The following CAPN11 variants were observed in gnomAD, a reference collection of about 807,000 sequenced individuals.
The protein encoded by CAPN11 is calpain 11.
Under a neutral mutation model 105.3 loss-of-function variants are expected in CAPN11, and 108 were observed. That is an observed-to-expected ratio of 1.03 (90% confidence interval 0.88 to 1.20). CAPN11 has a LOEUF of 1.20. Among genes scored for constraint, CAPN11 ranks in the 50% most tolerant of loss-of-function variants. The pLI is 0.00. For missense variants in CAPN11, 883 were observed against 924.8 expected, an observed-to-expected ratio of 0.95 and a Z score of 0.59; for synonymous variants, 329 against 344.5, an observed-to-expected ratio of 0.96 and a Z score of 0.50.
intron 1 of CAPN11, among the ~76,000 whole-genome samples, chr6:44,159,184 C>T (rs898506187): frequency 6.6e-6 from 1 of 152,124 alleles, no homozygotes; most frequent in Non-Finnish European, 1.5e-5. Flanking sequence ...AGGAGAGGGG[C>T]CGGCCATCCC....
rs748439629 is a variant in CAPN11 at position 44,176,204 on chromosome 6, G to GTCTCCCTGACCGGAGGAGAACA, written c.916-38_916-37insGGAGGAGAACATCTCCCTGACC. The GTCTCCCTGACCGGAGGAGAACA allele has an allele frequency of 1.9e-5, 30 of 1,606,264 alleles. 1 individual carries two copies. The South Asian group carries it at 2.9e-4, about 15-fold the overall frequency. ...TGAGGACCCTGAGAAGGAGGAGAAC[G>GTCTCCCTGACCGGAGGAGAACA]TCTCCCTGACCCCATAACTCTGACC... On this transcript the variant is annotated intron_variant, in intron 8 of 22. Transcript: ENST00000398776.
chr6:44,172,919 G>T, intron 5 of CAPN11, 21 bp from the exon 6 acceptor site: 1 of 1,611,676 alleles, frequency 6.2e-7, no homozygotes, highest in Non-Finnish European at 8.5e-7. Flanking sequence ...CACGCAAGGG[G>T]TGTGTGTTTG....
chr6:44,169,015 C>T (rs1386988691), intron 2 of CAPN11: 10 of 506,342 alleles, frequency 2.0e-5, no homozygotes, highest in African/African-American at 5.8e-5. Flanking sequence ...GCCACAGCCT[C>T]GAACTCCAGG....
At chr6:44,163,138 C>A (rs1475109684) in intron 1 of CAPN11, among the ~76,000 whole-genome samples, 1 of 152,282 alleles carries the variant, frequency 6.6e-6, no homozygotes, top group South Asian at 2.1e-4. Context: ...TCCTGAAACA[C>A]CCTCGCAGGT....
In CAPN11 at chr6:44,177,006, A is replaced by C. The variant is rs898599527; in HGVS notation, c.1237+8A>C. On this transcript the variant is annotated splice_region_variant and intron_variant, in intron 11 of 22. Transcript: ENST00000398776. ...GCTGCAGGAACCACCCTGGTGGGTG[A>C]GGGGTGAGAGGGGAGGGGGTGTGCA... The C allele has an allele frequency of 3.0e-5, 49 of 1,611,236 alleles. No homozygotes were observed. Among genetic ancestry groups the C allele is most frequent in the Non-Finnish European group, 3.9e-5 (46 of 1,179,386 alleles).
chr6:44,180,358 C>A, intron 14 of CAPN11, 102 bp from the exon 15 acceptor site: 1 of 1,142,732 alleles, frequency 8.8e-7, no homozygotes, highest in Non-Finnish European at 1.3e-6. Flanking sequence ...ATGGAGCTGC[C>A]CTATATTGCT....
At chr6:44,181,385 T>A in intron 19 of CAPN11, 65 bp downstream of exon 19, 2 of 1,310,090 alleles carry the variant, frequency 1.5e-6, no homozygotes, top group Non-Finnish European at 2.2e-6. Context: ...GAGATGGAAC[T>A]AATGAGGGGA....
Position 44,172,363 on chromosome 6 carries a change from C to A in CAPN11, c.471C>A (p.Arg157=). 2 of 1,562,322 alleles carry A rather than the reference C, an allele frequency of 1.3e-6. No homozygotes were observed. Among genetic ancestry groups the A allele is most frequent in the East Asian group, 2.4e-5 (1 of 41,622 alleles). The change falls in exon 5 of 23, where the codon CGC becomes CGA. Residue 157 remains arginine, a synonymous_variant. Coordinates refer to ENST00000398776, the MANE Select transcript of CAPN11 (RefSeq NM_007058.4). The part of the protein sequence containing the change: ...SLTTCPKLLY[R]VVPRGQSFKK... ...CCACCTGCCCCAAACTGCTATACCG[C>A]GTGGTGCCCAGAGGACAGAGCTTCA... is the stretch of plus-strand genomic sequence containing the variant.
intron 1 of CAPN11, among the ~76,000 whole-genome samples, chr6:44,162,409 A>ACC (rs1554129308): frequency 7.3e-6 from 1 of 136,984 alleles, no homozygotes; most frequent in Non-Finnish European, 1.6e-5. Context: ...ACACACACAC[A>ACC]CCTGTAATCA....
intron 1 of CAPN11, among the ~76,000 whole-genome samples, chr6:44,161,062 A>G (rs1768693280): frequency 1.3e-5 from 2 of 152,056 alleles, no homozygotes; most frequent in Admixed American, 6.5e-5. Context: ...TGCTCTGGCC[A>G]TCTGTCTGTG....
At chr6:44,170,033 C>A in intron 4 of CAPN11, 58 bp downstream of exon 4, 2 of 1,366,286 alleles carry the variant, frequency 1.5e-6, no homozygotes, top group Non-Finnish European at 2.1e-6. Flanking sequence ...GGGAGGGGTG[C>A]CAGGGTGTCT....
At chr6:44,179,478 C>T (rs1023624126) in intron 12 of CAPN11, 141 bp from the exon 13 acceptor site, 37 of 754,462 alleles carry the variant, frequency 4.9e-5, no homozygotes, top group Non-Finnish European at 7.1e-6. Context: ...CCCACTCCAC[C>T]ACCAGTATCC....
intron 1 of CAPN11, among the ~76,000 whole-genome samples, chr6:44,159,284 C>T (rs1768274015): frequency 6.6e-6 from 1 of 152,126 alleles, no homozygotes; most frequent in Non-Finnish European, 1.5e-5. Context: ...TCTCCTAAGC[C>T]TAGAAAAGCA....
At chr6:44,165,565 G>A (rs952818939) in intron 1 of CAPN11, among the ~76,000 whole-genome samples, 1 of 152,214 alleles carries the variant, frequency 6.6e-6, no homozygotes. Context: ...AAGGGACATA[G>A]TGACAGGGTC....
chr6:44,167,745 A>G (rs749543228), intron 2 of CAPN11, among the ~76,000 whole-genome samples: 1 of 151,778 alleles, frequency 6.6e-6, no homozygotes, highest in Admixed American at 6.6e-5. Context: ...TCCTGTCTCT[A>G]CAAAAATTAG....
chr6:44,182,025 TACAG>T (rs1179563356), intron 19 of CAPN11, among the ~76,000 whole-genome samples: 19 of 30,602 alleles, frequency 6.2e-4, no homozygotes, highest in African/African-American at 3.4e-3. Context: ...CACACTCACA[TACAG>T]ACACAACCAC....
chr6:44,180,805 T>C lies in CAPN11; in HGVS notation c.1804T>C (p.Phe602Leu), dbSNP rs780848421. 8 of 1,613,466 alleles carry C rather than the reference T, an allele frequency of 5.0e-6. No homozygotes were observed. In the South Asian group the frequency reaches 8.8e-5, roughly 18 times the overall value. The change falls in exon 17 of 23, where the codon TTC becomes CTC. Residue 602 changes from phenylalanine (F) to leucine (L), a missense_variant and splice_region_variant. Phe to Leu is a conservative substitution (Grantham distance 22, BLOSUM62 0). Coordinates refer to ENST00000398776, the MANE Select transcript of CAPN11 (RefSeq NM_007058.4). ...QRLLNRMAIK[F>L]KSFKTKGFGL... The stretch of plus-strand genomic sequence containing the variant: ...GCTGCTCAACAGGATGGCCATCAAA[T>C]GTGAGTCTTCCACTCCTGCTGCACA...
rs1768304581 is a variant in CAPN11 at position 44,159,428 on chromosome 6, G to A, written c.16+564G>A. Among the ~76,000 whole-genome samples, 3 of 152,214 alleles carry A rather than the reference G, an allele frequency of 2.0e-5. No homozygotes were observed. In the South Asian group the frequency reaches 6.2e-4, roughly 32 times the overall value. On this transcript the variant is annotated intron_variant, in intron 1 of 22. Coordinates refer to ENST00000398776, the MANE Select transcript of CAPN11 (RefSeq NM_007058.4). ...GGGGAGGGCTGGGCAGAACTGAGTT[G>A]TTCCTGTGGGGCTAGGGTGCACAGA...
rs1271046178 is a variant in CAPN11, at chr6:44,183,133, A to G, written c.2032A>G (p.Asn678Asp). The G allele has an allele frequency of 1.2e-6, 2 of 1,613,118 alleles. No individual in the cohort carries two copies. Among genetic ancestry groups the G allele is most frequent in the African/African-American group, 2.7e-5 (2 of 74,908 alleles). Residue 678 changes from asparagine (N) to aspartate (D), a missense_variant, in exon 21 of 23, where the codon AAC (asparagine) becomes GAC (aspartate). Asn to Asp is a conservative substitution (Grantham distance 23, BLOSUM62 1). Coordinates refer to ENST00000398776, the MANE Select transcript of CAPN11 (RefSeq NM_007058.4). ...CCCTCTCTCAGGCATCAAGCTGAAC[A>G]ACAAGGTAATGCAGGTCCTGGTGGC... ...VIEKAGIKLN[N>D]KVMQVLVARY...
Sources: gnomAD v4.1 joint callset for allele counts (sites outside exome capture counted in the v4.1 genomes callset) on GRCh38, gnomAD v4.1.1 for gene constraint, MANE v1.5 for transcripts, NCBI Gene and HGNC (gene_info 2026-07-23, HGNC 2026-07-21) for gene names.